The following SOX13 variants were observed in gnomAD, a reference collection of about 807,000 sequenced individuals.
The protein encoded by SOX13 is SRY-box transcription factor 13.
A neutral mutation model predicts 71.8 loss-of-function variants in SOX13; 28 were observed. That is an observed-to-expected ratio of 0.39 (90% CI 0.29 to 0.53). The LOEUF (loss-of-function observed/expected upper bound fraction) is 0.53. Among genes scored for constraint, SOX13 ranks in the 20% least tolerant of loss-of-function variants. SOX13 has a pLI of 0.70. For synonymous variants in SOX13, 309 were observed against 317.8 expected (o/e 0.97, Z 0.29); for missense variants, 627 against 810.3 (o/e 0.77, Z 2.75).
At chr1:204,077,391 G>GCC (rs1256342724) in intron 1 of SOX13, among the ~76,000 whole-genome samples, 1 of 152,202 alleles carries the variant, frequency 6.6e-6, no homozygotes, top group Non-Finnish European at 1.5e-5. Flanking sequence ...GGTAATCATA[G>GCC]TTGCCCCAAG....
intron 5 of SOX13, 87 bp downstream of exon 5, chr1:204,116,766 A>T: frequency 6.4e-7 from 1 of 1,562,684 alleles, no homozygotes; most frequent in Non-Finnish European, 8.7e-7. Context: ...GACAGGCCTC[A>T]CCAGTGCAAG....
chr1:204,083,145 A>C (rs1180683959), intron 1 of SOX13, among the ~76,000 whole-genome samples: 1 of 152,080 alleles, frequency 6.6e-6, no homozygotes, highest in African/African-American at 2.4e-5. Flanking sequence ...GGAGAACCAG[A>C]ATTGTGTGTG....
chr1:204,076,864 G>A (rs1026216417), intron 1 of SOX13, among the ~76,000 whole-genome samples: 1 of 152,236 alleles, frequency 6.6e-6, no homozygotes, highest in Non-Finnish European at 1.5e-5. Context: ...CCTGTGCTAC[G>A]CAGTGGGATA....
chr1:204,123,891 C>G lies in SOX13; in HGVS notation c.1375+87C>G, dbSNP rs1558223246. 1 of 1,469,224 alleles carries G rather than the reference C, an allele frequency of 6.8e-7. No individual in the cohort carries two copies. The highest frequency in any genetic ancestry group is 1.4e-5 in the African/African-American group (1 of 72,214). 91.0% of individuals were successfully genotyped at this position (1,469,224 alleles called of 1,614,324 possible). ...TATTCAGGGCTTGCTTGGTGATATT[C>G]CATACTGTGTTGGACTCCAGTGGAA... On this transcript the variant is annotated intron_variant, in intron 12 of 13. Coordinates refer to ENST00000367204, the MANE Select transcript of SOX13 (RefSeq NM_005686.3). This position sits in a 1 kb window ranked among gnomAD's most constrained non-coding sequence, Gnocchi z 5.0.
chr1:204,092,371 C>T (rs1241683272), intron 1 of SOX13, among the ~76,000 whole-genome samples: 1 of 151,896 alleles, frequency 6.6e-6, no homozygotes, highest in Non-Finnish European at 1.5e-5. Context: ...GGCTGGAGTG[C>T]AGTGGCATGA....
chr1:204,086,040 G>T (rs1389505671), intron 1 of SOX13, among the ~76,000 whole-genome samples: 2 of 152,152 alleles, frequency 1.3e-5, no homozygotes, highest in African/African-American at 4.8e-5. Context: ...CACCATGTGA[G>T]CCAGACCCCG....
chr1:204,078,483 G>A (rs1229269030), intron 1 of SOX13, among the ~76,000 whole-genome samples: 3 of 152,208 alleles, frequency 2.0e-5, no homozygotes, highest in African/African-American at 7.2e-5. Context: ...TGCTGGGAGG[G>A]CCGGCCAGGC....
intron 2 of SOX13, among the ~76,000 whole-genome samples, chr1:204,113,880 C>T (rs1365435568): frequency 6.6e-6 from 1 of 152,172 alleles, no homozygotes; most frequent in Non-Finnish European, 1.5e-5. Context: ...CTCCCCTATG[C>T]AGCCCAGCTG....
chr1:204,117,897 A>T (rs1216017209), intron 7 of SOX13, 190 bp downstream of exon 7: 1 of 593,468 alleles, frequency 1.7e-6, no homozygotes. Context: ...CACTGGGAGA[A>T]TGAAAAACCA....
chr1:204,090,278 G>A (rs533288049), intron 1 of SOX13, among the ~76,000 whole-genome samples: 1 of 152,262 alleles, frequency 6.6e-6, no homozygotes, highest in African/African-American at 2.4e-5. Context: ...CTGGTTTCCA[G>A]CTGTGAGGTT....
intron 1 of SOX13, among the ~76,000 whole-genome samples, chr1:204,110,022 G>T (rs1305895624): frequency 1.3e-5 from 2 of 151,552 alleles, no homozygotes; most frequent in African/African-American, 4.9e-5. Context: ...AGTAGAGATG[G>T]GGTTTCTCCA....
chr1:204,115,828 G>A (rs547280731), intron 4 of SOX13, among the ~76,000 whole-genome samples: 23 of 151,582 alleles, frequency 1.5e-4, no homozygotes, highest in Admixed American at 9.2e-4. Flanking sequence ...CACCATACCC[G>A]GCTAATTTTT....
intron 13 of SOX13, among the ~76,000 whole-genome samples, chr1:204,125,334 G>T (rs1368973906): frequency 1.3e-5 from 2 of 152,152 alleles, no homozygotes; most frequent in East Asian, 3.9e-4. Flanking sequence ...GGAGGCTGAG[G>T]CAGGAGGATC....
Position 204,123,199 on chromosome 1 carries a change from G to A in SOX13, c.1222G>A (p.Asp408Asn), listed in dbSNP as rs754670776. The change falls in exon 11 of 14, where the codon GAC becomes AAC. Residue 408 changes from aspartate to asparagine, a missense_variant. Physicochemically the swap from Asp to Asn is conservative, Grantham distance 23. Around this residue, in one of 3 missense-constraint regions of SOX13, gnomAD observed 447 missense variants for 532.2 expected, o/e 0.84. Coordinates refer to ENST00000367204, the MANE Select transcript of SOX13 (RefSeq NM_005686.3). The surrounding 1 kb of genome is among the most constrained non-coding windows in gnomAD (Gnocchi z 5.0). ...HPLEEAMLSC[D>N]MDGSRHFPES... is the part of the protein sequence containing the mutation. The stretch of plus-strand genomic sequence containing the variant: ...ACTGGAGGAAGCCATGCTGAGCTGC[G>A]ACATGGATGGTGAGGGCTCAGGCGC... The A allele has an allele frequency of 6.8e-6, 11 of 1,612,696 alleles. No individual in the cohort carries two copies. Among genetic ancestry groups the A allele is most frequent in the South Asian group, 6.6e-5 (6 of 91,040 alleles).
intron 1 of SOX13, among the ~76,000 whole-genome samples, chr1:204,088,599 G>C (rs765536767): frequency 1.3e-5 from 2 of 152,006 alleles, no homozygotes; most frequent in Admixed American, 6.6e-5. Flanking sequence ...CTCCTGTCCC[G>C]TTACCCCCAC....
Position 204,126,187 on chromosome 1 carries a change from C to G in SOX13, c.*53C>G. On this transcript the variant is annotated 3_prime_UTR_variant, in exon 14 of 14. Transcript: ENST00000367204. ...TCCTCTGGGGAAGACCTTGTCCCAA[C>G]TCGATGGGCACAGCCAGCCAACCTA... The G allele has an allele frequency of 6.4e-7, 1 of 1,574,088 alleles. No homozygotes were observed. The highest frequency in any genetic ancestry group is 1.2e-5 in the South Asian group (1 of 86,096).
chr1:204,117,771 C>A, intron 7 of SOX13, 64 bp downstream of exon 7: 1 of 1,025,462 alleles, frequency 9.8e-7, no homozygotes, highest in Non-Finnish European at 1.5e-6. Flanking sequence ...GGAAAGCGCC[C>A]TGGAGCCACT....
At chr1:204,088,805 A>G (rs560707946) in intron 1 of SOX13, among the ~76,000 whole-genome samples, 11 of 152,276 alleles carry the variant, frequency 7.2e-5, no homozygotes, top group Admixed American at 2.6e-4. Flanking sequence ...GGATCAGGAC[A>G]CCATGCCTGG....
chr1:204,116,456 A>G (rs909467051), intron 4 of SOX13, 51 bp from the exon 5 acceptor site: 2 of 1,613,028 alleles, frequency 1.2e-6, no homozygotes, highest in African/African-American at 2.7e-5. Context: ...GGATGGATGT[A>G]TAGATGAACA....
Sources: allele counts gnomAD v4.1 joint callset (sites outside exome capture counted in the v4.1 genomes callset), GRCh38; gene constraint gnomAD v4.1.1; regional missense constraint gnomAD v4.1.1; non-coding constraint Gnocchi (gnomAD v3.1); transcripts MANE v1.5; gene names NCBI Gene and HGNC (gene_info 2026-07-23, HGNC 2026-07-21).